Variants in ZNF609 observed in about 807,000 individuals in gnomAD.
ZNF609 encodes the protein zinc finger protein 609.
Under a neutral mutation model 109.5 loss-of-function variants are expected in ZNF609, and 11 were observed. The ratio of observed to expected loss-of-function variants is 0.10; its 90% CI spans 0.06 to 0.17. The LOEUF (loss-of-function observed/expected upper bound fraction) is 0.17. Among genes scored for constraint, ZNF609 ranks in the 10% least tolerant of loss-of-function variants. The probability of loss-of-function intolerance (pLI) is 1.00; values close to 1 mark genes in which losing one functional copy is unlikely to be tolerated. For synonymous variants in ZNF609, 646 were observed against 662.0 expected, an observed-to-expected ratio of 0.98 and a Z score of 0.37; for missense variants, 1,559 against 1,772.4, an observed-to-expected ratio of 0.88 and a Z score of 2.16.
At chr15:64,576,941 A>ACATATATGT in intron 2 of ZNF609, among the ~76,000 whole-genome samples, 1 of 127,914 alleles carries the variant, frequency 7.8e-6, no homozygotes, top group South Asian at 2.4e-4. Flanking sequence ...TATACATATA[A>ACATATATGT]ATATATACAT....
At chr15:64,517,870 C>G (rs1893836887) in intron 2 of ZNF609, among the ~76,000 whole-genome samples, 1 of 152,032 alleles carries the variant, frequency 6.6e-6, no homozygotes. Flanking sequence ...ACCTCTGCCT[C>G]CTGGGCTCAA....
At chr15:64,535,323 T>C (rs574353609) in intron 2 of ZNF609, among the ~76,000 whole-genome samples, 1 of 152,314 alleles carries the variant, frequency 6.6e-6, no homozygotes, top group East Asian at 1.9e-4. Flanking sequence ...GCACTGGGAT[T>C]ACAGTCATGA....
intron 3 of ZNF609, among the ~76,000 whole-genome samples, chr15:64,627,782 C>G (rs1895994842): frequency 6.8e-6 from 1 of 147,394 alleles, no homozygotes; most frequent in Non-Finnish European, 1.5e-5. Context: ...ATCCTCCTGC[C>G]TTGGCCTCCT....
At chr15:64,542,040 C>G (rs188427885) in intron 2 of ZNF609, among the ~76,000 whole-genome samples, 12 of 151,842 alleles carry the variant, frequency 7.9e-5, no homozygotes, top group African/African-American at 2.9e-4. Context: ...TCCAGCTATT[C>G]AGGGAGGCTG....
chr15:64,476,608 G>A (rs1893173999), intron 1 of ZNF609, among the ~76,000 whole-genome samples: 1 of 152,174 alleles, frequency 6.6e-6, no homozygotes, highest in Non-Finnish European at 1.5e-5. Context: ...CTGACACTGA[G>A]GAGAAATAGC....
At chr15:64,660,092 C>T (rs1193562495) in intron 3 of ZNF609, among the ~76,000 whole-genome samples, 4 of 152,138 alleles carry the variant, frequency 2.6e-5, no homozygotes, top group South Asian at 2.1e-4. Flanking sequence ...ACCTCAGCCT[C>T]CCAAAATGCT....
chr15:64,545,041 A>G (rs1040079180), intron 2 of ZNF609, among the ~76,000 whole-genome samples: 4 of 152,208 alleles, frequency 2.6e-5, no homozygotes, highest in Non-Finnish European at 4.4e-5. Flanking sequence ...AAGACTTGCT[A>G]TTTAGCAAGA....
chr15:64,553,713 C>G (rs897227275), intron 2 of ZNF609, among the ~76,000 whole-genome samples: 3 of 151,984 alleles, frequency 2.0e-5, no homozygotes, highest in African/African-American at 7.2e-5. Context: ...ATTCTCCTGC[C>G]TCAGCCTCCC....
intron 1 of ZNF609, chr15:64,470,311 G>A (rs1053435626): frequency 6.6e-6 from 1 of 152,122 alleles, no homozygotes; most frequent in African/African-American, 2.4e-5. Context: ...GCCTCCCAAA[G>A]TGGTGGGATT....
At chr15:64,624,128 A>G (rs1400575796) in intron 3 of ZNF609, among the ~76,000 whole-genome samples, 1 of 152,206 alleles carries the variant, frequency 6.6e-6, no homozygotes, top group Admixed American at 6.5e-5. Flanking sequence ...GATGTGTTAC[A>G]GGTTAAGAAC....
intron 6 of ZNF609, among the ~76,000 whole-genome samples, chr15:64,678,764 C>G (rs529469024): frequency 1.3e-5 from 2 of 152,362 alleles, no homozygotes; most frequent in South Asian, 4.1e-4. Context: ...AACTCCTTCT[C>G]TGTCACTGCT....
intron 2 of ZNF609, among the ~76,000 whole-genome samples, chr15:64,526,419 C>T (rs1893968356): frequency 1.3e-5 from 2 of 152,116 alleles, no homozygotes; most frequent in African/African-American, 4.8e-5. Flanking sequence ...TTCTTACTTA[C>T]AACCTCGATG....
At chr15:64,593,238 G>C in intron 2 of ZNF609, 1 of 1,535,580 alleles carries the variant, frequency 6.5e-7, no homozygotes, top group South Asian at 1.1e-5. Context: ...GTCAGGAATC[G>C]ATCTCGTGAA....
chr15:64,532,497 T>A (rs890571272), intron 2 of ZNF609, among the ~76,000 whole-genome samples: 4 of 152,236 alleles, frequency 2.6e-5, no homozygotes, highest in Non-Finnish European at 4.4e-5. Context: ...ACTAATCTCA[T>A]TTTTAGCTGA....
intron 2 of ZNF609, among the ~76,000 whole-genome samples, chr15:64,598,339 C>G (rs562480091): frequency 6.6e-6 from 1 of 152,254 alleles, no homozygotes; most frequent in South Asian, 2.1e-4. Context: ...TGGTCTCAGA[C>G]TCCTGGCCTC....
intron 1 of ZNF609, among the ~76,000 whole-genome samples, chr15:64,487,111 T>G (rs1361146030): frequency 6.6e-6 from 1 of 152,196 alleles, no homozygotes; most frequent in Non-Finnish European, 1.5e-5. Context: ...TATCATTACT[T>G]AATTTTTTTT....
chr15:64,604,298 A>G lies in ZNF609; in HGVS notation c.748-18529A>G, dbSNP rs919256010. Among the ~76,000 whole-genome samples the G allele has an allele frequency of 8.5e-5, 13 of 152,230 alleles. No individual in the cohort carries two copies. The East Asian group carries it at 1.2e-3, about 14-fold the overall frequency. On this transcript the variant is annotated intron_variant, in intron 2 of 9. Transcript: ENST00000326648. ...GTTCTAAAGCAAGGCTTGCTAAACTACTTCCTCTCTCTCCCCTTTTTCCCC... is the reference window on the plus strand; with the variant it reads ...GTTCTAAAGCAAGGCTTGCTAAACTGCTTCCTCTCTCTCCCCTTTTTCCCC...
At chr15:64,562,998 T>A (rs1012181015) in intron 2 of ZNF609, among the ~76,000 whole-genome samples, 2 of 151,854 alleles carry the variant, frequency 1.3e-5, no homozygotes, top group Non-Finnish European at 2.9e-5. Flanking sequence ...GAGGATAACC[T>A]CCAGGCTTGG....
At chr15:64,576,369 A>T (rs1028433059) in intron 2 of ZNF609, among the ~76,000 whole-genome samples, 3 of 152,096 alleles carry the variant, frequency 2.0e-5, no homozygotes, top group East Asian at 1.9e-4. Context: ...ATATATTATA[A>T]ATTCTGATAC....
Sources: gnomAD v4.1 joint callset for allele counts (sites outside exome capture counted in the v4.1 genomes callset) on GRCh38, gnomAD v4.1.1 for gene constraint, MANE v1.5 for transcripts, NCBI Gene and HGNC (gene_info 2026-07-23, HGNC 2026-07-21) for gene names.